PRDM2: variants seen among roughly 807,000 people sequenced by gnomAD.
PRDM2 encodes the protein PR/SET domain 2.
PRDM2 carries 30 observed loss-of-function variants against 130.0 expected under a neutral mutation model. That is an observed-to-expected ratio of 0.23 (90% confidence interval 0.17 to 0.31). The LOEUF is 0.31. Ranked by LOEUF, PRDM2 falls within the 10% of genes least tolerant of loss-of-function variation. PRDM2 has a pLI of 1.00. For missense variants in PRDM2, 2,011 were observed against 2,108.4 expected (o/e 0.95, Z 0.90); for synonymous variants, 871 against 782.4 (o/e 1.11, Z -1.89).
At chr1:13,808,474 A>C (rs1645120342) in intron 8 of PRDM2, among the ~76,000 whole-genome samples, 1 of 151,938 alleles carries the variant, frequency 6.6e-6, no homozygotes, top group African/African-American at 2.4e-5. Context: ...AAAAAAAAAA[A>C]AAAAAAAAAC....
intron 6 of PRDM2, among the ~76,000 whole-genome samples, chr1:13,759,400 A>T (rs1366640529): frequency 1.3e-5 from 2 of 152,074 alleles, no homozygotes; most frequent in Non-Finnish European, 2.9e-5. Context: ...GCCTTTTGTT[A>T]TTCTTTTTAC....
At chr1:13,728,356 G>C (rs554222474) in intron 2 of PRDM2, among the ~76,000 whole-genome samples, 19 of 152,338 alleles carry the variant, frequency 1.2e-4, no homozygotes, top group African/African-American at 4.3e-4. Context: ...AGCTGTGAAG[G>C]AGAACCAAGG....
intron 8 of PRDM2, among the ~76,000 whole-genome samples, chr1:13,794,960 C>A (rs1644900011): frequency 1.3e-5 from 2 of 152,236 alleles, no homozygotes; most frequent in Admixed American, 1.3e-4. Flanking sequence ...TGGACCAGAG[C>A]TGCTTCCTTC....
intron 9 of PRDM2, among the ~76,000 whole-genome samples, chr1:13,817,872 C>T (rs929941303): frequency 5.9e-5 from 9 of 152,018 alleles, no homozygotes; most frequent in African/African-American, 1.9e-4. Flanking sequence ...TGGTGGTGGG[C>T]GCCTGTAGTC....
chr1:13,788,751 G>T (rs1644791921), intron 8 of PRDM2, among the ~76,000 whole-genome samples: 5 of 152,250 alleles, frequency 3.3e-5, no homozygotes, highest in Admixed American at 1.3e-4. Context: ...GGAGTTGAGT[G>T]TTGTGAGAAA....
At chr1:13,724,891 A>G (rs1198804056) in intron 2 of PRDM2, among the ~76,000 whole-genome samples, 1 of 152,164 alleles carries the variant, frequency 6.6e-6, no homozygotes, top group African/African-American at 2.4e-5. Flanking sequence ...GTAGTTTTTA[A>G]TGTTAACAGT....
In PRDM2 at chr1:13,810,416, C is replaced by T. The variant is rs1255919738; in HGVS notation, c.5037-6011C>T. Among the ~76,000 whole-genome samples the T allele has an allele frequency of 2.0e-5, 3 of 152,142 alleles. No individual in the cohort carries two copies. The East Asian group carries it at 5.8e-4, about 29-fold the overall frequency. ...TCTGATTGGCTGTGGACTTGTAAGC[C>T]ATCGGCCGTATTCGTTTGAATTGTG... is the stretch of plus-strand genomic sequence containing the variant. On this transcript the variant is annotated intron_variant, in intron 8 of 9. Transcript: ENST00000311066.
At chr1:13,795,072 T>C (rs1644901994) in intron 8 of PRDM2, among the ~76,000 whole-genome samples, 1 of 152,258 alleles carries the variant, frequency 6.6e-6, no homozygotes, top group African/African-American at 2.4e-5. Context: ...TTCATTCTTA[T>C]TCTATCACCC....
chr1:13,782,300 C>T lies in PRDM2; in HGVS notation c.4505C>T (p.Pro1502Leu). Residue 1502 changes from proline (P) to leucine (L), a missense_variant, in exon 8 of 10, where the codon CCT (proline) becomes CTT (leucine). Physicochemically the swap from Pro to Leu is moderately conservative, Grantham distance 98. Coordinates refer to ENST00000311066, the MANE Select transcript of PRDM2 (RefSeq NM_001393986.1). ...TCTAAGAAAGGTGGACACTCATCAC[C>T]TGCAAGTAGTGACAAAAACAGTAAC... ...HSSKKGGHSS[P>L]ASSDKNSNSN... 1 of 1,614,088 alleles carries T rather than the reference C, an allele frequency of 6.2e-7. No homozygotes were observed. Among genetic ancestry groups the T allele is most frequent in the South Asian group, 1.1e-5 (1 of 91,066 alleles).
chr1:13,744,910 T>A (rs1003388369), intron 5 of PRDM2, among the ~76,000 whole-genome samples: 2 of 152,244 alleles, frequency 1.3e-5, no homozygotes, highest in African/African-American at 2.4e-5. Context: ...TGTGCTGCTC[T>A]GTGGGCTCTG....
At chr1:13,745,037 CTATT>C (rs1326164262) in intron 5 of PRDM2, among the ~76,000 whole-genome samples, 1 of 152,198 alleles carries the variant, frequency 6.6e-6, no homozygotes, top group African/African-American at 2.4e-5. Context: ...AATCTGCTAT[CTATT>C]CATTTCTCTG....
Position 13,779,202 on chromosome 1 carries a change from T to C in PRDM2, c.1407T>C (p.Asn469=), listed in dbSNP as rs755251253. The C allele has an allele frequency of 6.2e-7, 1 of 1,614,152 alleles. No individual in the cohort carries two copies. The highest frequency in any genetic ancestry group is 1.7e-5 in the Admixed American group (1 of 60,016). Residue 469 remains asparagine (N), a synonymous_variant, in exon 8 of 10, where the codon AAT becomes AAC. Transcript: ENST00000311066. This position sits in a 1 kb window ranked among gnomAD's most constrained non-coding sequence, Gnocchi z 4.9. ...NSEKASQDTI[N]SSVVEENGEV... ...AGAAGGCTTCCCAAGACACAATAAATTCTTCTGTCGTAGAAGAGAATGGGG... is the reference window on the plus strand; with the variant it reads ...AGAAGGCTTCCCAAGACACAATAAACTCTTCTGTCGTAGAAGAGAATGGGG...
At chr1:13,733,282 A>ATGT (rs1643166197) in intron 4 of PRDM2, among the ~76,000 whole-genome samples, 2 of 151,808 alleles carry the variant, frequency 1.3e-5, no homozygotes, top group South Asian at 4.1e-4. Flanking sequence ...AGTAATTTCT[A>ATGT]TGTTGCTAGG....
At chr1:13,769,147 G>A (rs1198444101) in intron 6 of PRDM2, 2 of 985,546 alleles carry the variant, frequency 2.0e-6, no homozygotes, top group African/African-American at 1.7e-5. Context: ...TGGCAGTAGC[G>A]CCCTGTAGGA....
At chr1:13,812,536 G>A (rs1052734269) in intron 8 of PRDM2, among the ~76,000 whole-genome samples, 1 of 152,190 alleles carries the variant, frequency 6.6e-6, no homozygotes, top group African/African-American at 2.4e-5. Flanking sequence ...CAGTGTGGCT[G>A]GAGCCTGGTA....
chr1:13,759,226 A>T (rs76085446), intron 6 of PRDM2, among the ~76,000 whole-genome samples: 2,780 of 151,438 alleles, frequency 0.018, 64 homozygotes, highest in South Asian at 0.12. Context: ...GTATTTATAA[A>T]CCTACCTCTT....
chr1:13,709,967 A>T (rs902875129), intron 1 of PRDM2, among the ~76,000 whole-genome samples: 3 of 152,232 alleles, frequency 2.0e-5, no homozygotes, highest in Non-Finnish European at 4.4e-5. Flanking sequence ...AAATTGTAAA[A>T]AATAATATCA....
intron 8 of PRDM2, chr1:13,787,444 A>G (rs2100695341): frequency 2.0e-6 from 2 of 985,348 alleles, no homozygotes; most frequent in Admixed American, 6.1e-5. Flanking sequence ...GTTGGTGGAA[A>G]GCGGCTAGGT....
chr1:13,792,885 A>G (rs1031639621), intron 8 of PRDM2, among the ~76,000 whole-genome samples: 2 of 152,220 alleles, frequency 1.3e-5, no homozygotes, highest in African/African-American at 2.4e-5. Flanking sequence ...ACCGAGTCGG[A>G]GAGAGGCAAC....
Sources: gnomAD v4.1 joint callset for allele counts (sites outside exome capture counted in the v4.1 genomes callset) on GRCh38, gnomAD v4.1.1 for gene constraint, Gnocchi (gnomAD v3.1) non-coding constraint, MANE v1.5 for transcripts, NCBI Gene and HGNC (gene_info 2026-07-23, HGNC 2026-07-21) for gene names.